Variants in WWTR1 observed in about 807,000 individuals in gnomAD.
WWTR1 encodes WW domain containing transcription regulator 1.
A neutral mutation model predicts 40.1 loss-of-function variants in WWTR1; 13 were observed. The observed-to-expected ratio is 0.32, with a 90% CI of 0.21 to 0.52. WWTR1 has a LOEUF of 0.52. WWTR1 is among the 20% of genes least tolerant of loss of function. The pLI, the probability that WWTR1 is intolerant of heterozygous loss-of-function variation, is 0.97. For missense variants in WWTR1, 436 were observed against 523.1 expected, an observed-to-expected ratio of 0.83 and a Z score of 1.63; for synonymous variants, 230 against 210.1, an observed-to-expected ratio of 1.09 and a Z score of -0.82.
intron 2 of WWTR1, among the ~76,000 whole-genome samples, chr3:149,621,863 G>A (rs1447480394): frequency 2.6e-5 from 4 of 152,128 alleles, no homozygotes; most frequent in Non-Finnish European, 4.4e-5. Context: ...CACAATTTCC[G>A]AATTAGTTAC....
chr3:149,527,289 A>T (rs1450389696), intron 5 of WWTR1, among the ~76,000 whole-genome samples: 1 of 151,874 alleles, frequency 6.6e-6, no homozygotes, highest in Non-Finnish European at 1.5e-5. Context: ...CTGGGATTAC[A>T]GGCATGCACC....
intron 3 of WWTR1, among the ~76,000 whole-genome samples, chr3:149,544,458 G>C (rs1345969593): frequency 2.6e-5 from 4 of 152,194 alleles, no homozygotes; most frequent in Non-Finnish European, 5.9e-5. Flanking sequence ...CTAACGGACT[G>C]GTGGAAGAGA....
At chr3:149,534,530 A>G (rs1365460864) in intron 4 of WWTR1, among the ~76,000 whole-genome samples, 1 of 152,212 alleles carries the variant, frequency 6.6e-6, no homozygotes, top group Non-Finnish European at 1.5e-5. Context: ...TGAACAGGGC[A>G]ACAGAATGAA....
chr3:149,540,715 A>C (rs997624288), intron 4 of WWTR1, among the ~76,000 whole-genome samples: 2 of 152,054 alleles, frequency 1.3e-5, no homozygotes, highest in Non-Finnish European at 2.9e-5. Flanking sequence ...ATAACCGTGA[A>C]AGTTCAAACA....
chr3:149,686,491 C>G (rs965266027), intron 1 of WWTR1, among the ~76,000 whole-genome samples: 1 of 152,140 alleles, frequency 6.6e-6, no homozygotes, highest in Non-Finnish European at 1.5e-5. Context: ...TGAATAGCCA[C>G]TGCACTCCAG....
At chr3:149,547,944 T>TCACACA (rs150391375) in intron 3 of WWTR1, among the ~76,000 whole-genome samples, 26,108 of 144,818 alleles carry the variant, frequency 0.18, 2,723 homozygotes, top group Non-Finnish European at 0.25. Context: ...AAGGAAAAAA[T>TCACACA]CACACACACA....
At position 149,650,746 on chromosome 3, in the gene WWTR1, G is replaced by A. The variant is rs182974334; in HGVS notation, c.431+6130C>T. Among the ~76,000 whole-genome samples, 48 of 152,280 alleles carry A rather than the reference G, an allele frequency of 3.2e-4. 1 individual carries two copies. The highest frequency in any genetic ancestry group is 6.5e-4 in the Admixed American group (10 of 15,300). On this transcript the variant is annotated intron_variant, in intron 2 of 6. Coordinates refer to ENST00000360632, the MANE Select transcript of WWTR1 (RefSeq NM_015472.6). The stretch of plus-strand genomic sequence containing the variant: ...ACTAGACACTTCTCAGATGGAGTTG[G>A]GTATCCTCTGCCCAAAATGCTGAAG...
chr3:149,681,044 AG>A (rs1714445949), intron 1 of WWTR1, among the ~76,000 whole-genome samples: 1 of 152,236 alleles, frequency 6.6e-6, no homozygotes, highest in African/African-American at 2.4e-5. Flanking sequence ...TTGTACTTAC[AG>A]CTTTCAATAC....
At chr3:149,584,376 T>C (rs1738307160) in intron 2 of WWTR1, among the ~76,000 whole-genome samples, 1 of 152,248 alleles carries the variant, frequency 6.6e-6, no homozygotes, top group African/African-American at 2.4e-5. Context: ...GGGAAGAGGA[T>C]GAGCCACCCT....
chr3:149,660,000 C>T (rs569840523), upstream of WWTR1: 2 of 150,544 alleles, frequency 1.3e-5, no homozygotes, highest in South Asian at 4.2e-4. Flanking sequence ...CTCACTGCAA[C>T]CTCTGCCTCC....
chr3:149,622,494 G>GAAAGAAAGAAAGA (rs1560089693), intron 2 of WWTR1, among the ~76,000 whole-genome samples: 16 of 44,826 alleles, frequency 3.6e-4, no homozygotes, highest in East Asian at 1.9e-3. Context: ...AGGAAGGAAG[G>GAAAGAAAGAAAGA]AAGGAAGGAA....
intron 4 of WWTR1, among the ~76,000 whole-genome samples, chr3:149,530,368 CA>C (rs1735515101): frequency 6.8e-6 from 1 of 147,510 alleles, no homozygotes; most frequent in African/African-American, 2.5e-5. Context: ...AAAAAAAATA[CA>C]AGTTGAATCT....
At chr3:149,644,986 G>C (rs1560100762) in intron 2 of WWTR1, among the ~76,000 whole-genome samples, 1 of 152,110 alleles carries the variant, frequency 6.6e-6, no homozygotes, top group African/African-American at 2.4e-5. Context: ...CCAGGTAACT[G>C]GGATTACAGG....
At chr3:149,586,585 T>G (rs1738438651) in intron 2 of WWTR1, among the ~76,000 whole-genome samples, 1 of 152,178 alleles carries the variant, frequency 6.6e-6, no homozygotes, top group Non-Finnish European at 1.5e-5. Flanking sequence ...TGACTTCGGC[T>G]CCTGACACAG....
At chr3:149,642,445 A>T (rs530277246) in intron 2 of WWTR1, among the ~76,000 whole-genome samples, 53 of 151,468 alleles carry the variant, frequency 3.5e-4, no homozygotes, top group Non-Finnish European at 4.7e-4. Context: ...ACACGAAAGT[A>T]CGAATACCCA....
intron 4 of WWTR1, among the ~76,000 whole-genome samples, chr3:149,531,027 C>T (rs148117558): frequency 5.3e-5 from 8 of 152,128 alleles, no homozygotes; most frequent in African/African-American, 7.2e-5. Context: ...CTTCACCTAC[C>T]GGGTTCAAGC....
intron 4 of WWTR1, among the ~76,000 whole-genome samples, chr3:149,531,091 C>A (rs11924169): frequency 1.3e-5 from 2 of 152,118 alleles, no homozygotes; most frequent in Admixed American, 6.5e-5. Context: ...TGTGCCACCA[C>A]GCCCAGCTAA....
intron 5 of WWTR1, 93 bp downstream of exon 5, chr3:149,527,743 C>G: frequency 6.4e-7 from 1 of 1,571,752 alleles, no homozygotes; most frequent in South Asian, 1.1e-5. Flanking sequence ...CCTCAAGCTC[C>G]CCACCTCTTC....
intron 2 of WWTR1, among the ~76,000 whole-genome samples, chr3:149,585,138 G>GTGTGTGTGTGTGTGTGTT (rs1738358643): frequency 6.6e-6 from 1 of 151,798 alleles, no homozygotes; most frequent in Non-Finnish European, 1.5e-5. Flanking sequence ...GTGTGTGTGT[G>GTGTGTGTGTGTGTGTGTT]TGTGTGTGTG....
Sources: gnomAD v4.1 joint callset for allele counts (sites outside exome capture counted in the v4.1 genomes callset) on GRCh38, gnomAD v4.1.1 for gene constraint, MANE v1.5 for transcripts, NCBI Gene and HGNC (gene_info 2026-07-23, HGNC 2026-07-21) for gene names.